Variants in MED27 observed in about 807,000 individuals in gnomAD.
MED27 encodes mediator of RNA polymerase II transcription subunit 27.
In MED27, 30 loss-of-function variants were observed where a neutral mutation model predicts 38.2. That is an observed-to-expected ratio of 0.79 (90% CI 0.59 to 1.07). The LOEUF (loss-of-function observed/expected upper bound fraction) is 1.07. Ranked by LOEUF, MED27 falls within the 50% of genes least tolerant of loss-of-function variation. The pLI is 0.00. For synonymous variants in MED27, 122 were observed against 153.5 expected (o/e 0.79, Z 1.52); for missense variants, 289 against 397.5 (o/e 0.73, Z 2.32).
At chr9:132,063,260 A>C (rs990839143) in intron 2 of MED27, among the ~76,000 whole-genome samples, 1 of 152,182 alleles carries the variant, frequency 6.6e-6, no homozygotes, top group Non-Finnish European at 1.5e-5. Context: ...AGAATAAAGC[A>C]GTTCCCCCAG....
chr9:131,878,656 T>C (rs1026669734), intron 6 of MED27, among the ~76,000 whole-genome samples: 6 of 152,216 alleles, frequency 3.9e-5, no homozygotes, highest in African/African-American at 7.2e-5. Flanking sequence ...GCTGTCGGTC[T>C]GCTCTTACTC....
intron 3 of MED27, among the ~76,000 whole-genome samples, chr9:131,994,020 AG>A (rs1333566007): frequency 1.3e-5 from 2 of 152,202 alleles, no homozygotes; most frequent in African/African-American, 4.8e-5. Context: ...AAATGGAACA[AG>A]CAGGTAAATA....
At chr9:132,038,567 A>G (rs1035874734) in intron 2 of MED27, among the ~76,000 whole-genome samples, 3 of 152,212 alleles carry the variant, frequency 2.0e-5, no homozygotes, top group Non-Finnish European at 4.4e-5. Flanking sequence ...CACTCTTTTT[A>G]AAGTAAAATA....
chr9:131,863,373 G>A (rs903325520), intron 6 of MED27, among the ~76,000 whole-genome samples: 2 of 152,230 alleles, frequency 1.3e-5, no homozygotes, highest in African/African-American at 4.8e-5. Context: ...GGGGGCGTGT[G>A]GAAGATTCCA....
intron 3 of MED27, among the ~76,000 whole-genome samples, chr9:131,991,162 C>T (rs1389368961): frequency 6.6e-6 from 1 of 152,176 alleles, no homozygotes; most frequent in African/African-American, 2.4e-5. Flanking sequence ...TACAAAACAA[C>T]AGACACTTGC....
intron 6 of MED27, among the ~76,000 whole-genome samples, chr9:131,871,431 T>C (rs891874773): frequency 6.6e-6 from 1 of 152,228 alleles, no homozygotes; most frequent in Non-Finnish European, 1.5e-5. Flanking sequence ...ACTATTGTCC[T>C]CAGCAGTTTC....
intron 2 of MED27, among the ~76,000 whole-genome samples, chr9:132,032,643 C>G (rs1245149823): frequency 6.6e-6 from 1 of 152,158 alleles, no homozygotes; most frequent in Non-Finnish European, 1.5e-5. Context: ...AAATGTAGCT[C>G]TTAACTAACT....
At chr9:131,938,218 A>G (rs1216039953) in intron 4 of MED27, among the ~76,000 whole-genome samples, 1 of 152,208 alleles carries the variant, frequency 6.6e-6, no homozygotes, top group Admixed American at 6.5e-5. Context: ...CTGGCTATTT[A>G]TAAGATTTCA....
intron 6 of MED27, among the ~76,000 whole-genome samples, chr9:131,879,855 G>A (rs1167838428): frequency 6.6e-6 from 1 of 152,244 alleles, no homozygotes; most frequent in Non-Finnish European, 1.5e-5. Context: ...ATATAAGTGG[G>A]TGGACAGGAG....
At chr9:131,944,612 C>A (rs958567210) in intron 3 of MED27, among the ~76,000 whole-genome samples, 5 of 151,614 alleles carry the variant, frequency 3.3e-5, no homozygotes, top group Non-Finnish European at 4.4e-5. Context: ...ACTGCAACCT[C>A]CACCTCATGG....
chr9:132,079,012 T>C (rs1834115343), intron 1 of MED27, among the ~76,000 whole-genome samples: 1 of 152,168 alleles, frequency 6.6e-6, no homozygotes, highest in African/African-American at 2.4e-5. Context: ...GCGTTAAGCA[T>C]AAGTAATTAA....
intron 4 of MED27, among the ~76,000 whole-genome samples, chr9:131,922,442 CTT>C (rs67385233): frequency 9.8e-4 from 118 of 120,300 alleles, no homozygotes; most frequent in Middle Eastern, 4.1e-3. Flanking sequence ...GCTTCTGTGT[CTT>C]TTTTTTTTTT....
At chr9:131,894,695 T>C (rs757374469) in intron 4 of MED27, among the ~76,000 whole-genome samples, 1 of 152,070 alleles carries the variant, frequency 6.6e-6, no homozygotes, top group Non-Finnish European at 1.5e-5. Context: ...CTTGCTGGAA[T>C]AGGCTCAGCA....
chr9:131,990,504 G>A (rs7039772), intron 3 of MED27, among the ~76,000 whole-genome samples: 86,320 of 152,074 alleles, frequency 0.57, 26,325 homozygotes, highest in Non-Finnish European at 0.67. Flanking sequence ...AGTGCCTGGA[G>A]GAGTACTCAG....
At chr9:131,975,994 G>A (rs1028206860) in intron 3 of MED27, among the ~76,000 whole-genome samples, 1 of 152,078 alleles carries the variant, frequency 6.6e-6, no homozygotes, top group African/African-American at 2.4e-5. Flanking sequence ...TCCCTTTCCT[G>A]TCCTCCATTT....
intron 6 of MED27, among the ~76,000 whole-genome samples, chr9:131,876,080 A>T (rs1456011207): frequency 6.6e-6 from 1 of 151,958 alleles, no homozygotes; most frequent in Non-Finnish European, 1.5e-5. Flanking sequence ...GGGCTTAGAG[A>T]GCGGATGGGT....
At chr9:132,017,780 T>C (rs180962728) in intron 2 of MED27, among the ~76,000 whole-genome samples, 243 of 152,352 alleles carry the variant, frequency 1.6e-3, no homozygotes, top group Non-Finnish European at 2.6e-3. Flanking sequence ...ACCTAGGATT[T>C]TTCTATCAGT....
intron 3 of MED27, among the ~76,000 whole-genome samples, chr9:131,961,674 G>A (rs538039450): frequency 6.6e-6 from 1 of 152,326 alleles, no homozygotes; most frequent in South Asian, 2.1e-4. Flanking sequence ...CGCTGCTTTC[G>A]TGAACTAGCG....
chr9:131,966,654 A>G (rs2131007194), intron 3 of MED27, among the ~76,000 whole-genome samples: 1 of 152,260 alleles, frequency 6.6e-6, no homozygotes, highest in East Asian at 1.9e-4. Context: ...TCTGTCAGTC[A>G]CTATACTGAT....
Sources: gnomAD v4.1 joint callset for allele counts (sites outside exome capture counted in the v4.1 genomes callset) on GRCh38, gnomAD v4.1.1 for gene constraint, MANE v1.5 for transcripts, NCBI Gene and HGNC (gene_info 2026-07-23, HGNC 2026-07-21) for gene names.